Variants in PDLIM5 observed in about 807,000 individuals in gnomAD.
PDLIM5 encodes the protein PDZ and LIM domain 5, also known as PDZ and LIM domain protein 5.
A neutral mutation model predicts 64.2 loss-of-function variants in PDLIM5; 34 were observed. The ratio of observed to expected loss-of-function variants is 0.53; its 90% CI spans 0.40 to 0.71. The LOEUF (loss-of-function observed/expected upper bound fraction) is 0.71, where lower values mean the gene tolerates loss of function less well. PDLIM5 is among the 30% of genes least tolerant of loss of function. PDLIM5 has a pLI of 0.00. For synonymous variants in PDLIM5, 253 were observed against 269.1 expected (o/e 0.94, Z 0.59); for missense variants, 683 against 733.6 (o/e 0.93, Z 0.80).
At chr4:94,549,410 C>T (rs1026842299) in intron 3 of PDLIM5, among the ~76,000 whole-genome samples, 6 of 152,014 alleles carry the variant, frequency 3.9e-5, no homozygotes, top group Admixed American at 2.6e-4. Context: ...ATGGTTATAC[C>T]CTCTGACCTA....
chr4:94,498,094 G>C (rs1257811234), intron 2 of PDLIM5, among the ~76,000 whole-genome samples: 1 of 152,158 alleles, frequency 6.6e-6, no homozygotes, highest in African/African-American at 2.4e-5. Flanking sequence ...ATTGACCTGG[G>C]CTTTCGGATC....
intron 8 of PDLIM5, among the ~76,000 whole-genome samples, chr4:94,625,455 CTT>C (rs755099642): frequency 1.7e-4 from 24 of 141,706 alleles, no homozygotes; most frequent in Admixed American, 4.2e-4. Flanking sequence ...TAATATTAGA[CTT>C]TTTTTTTTTT....
chr4:94,623,006 C>T (rs568414180), intron 8 of PDLIM5, among the ~76,000 whole-genome samples: 21 of 152,224 alleles, frequency 1.4e-4, no homozygotes, highest in Admixed American at 5.2e-4. Flanking sequence ...ACCTTAAAAG[C>T]TTCTCCTATA....
intron 3 of PDLIM5, among the ~76,000 whole-genome samples, chr4:94,571,606 A>G (rs1420810308): frequency 6.6e-6 from 1 of 152,214 alleles, no homozygotes; most frequent in East Asian, 1.9e-4. Context: ...ATCCCATTGT[A>G]TATTTGCCAG....
rs1211805705 is a variant in PDLIM5 at position 94,507,341 on chromosome 4, A to C, written c.97-16383A>C. On this transcript the variant is annotated intron_variant, in intron 2 of 12. Coordinates refer to ENST00000317968, the MANE Select transcript of PDLIM5 (RefSeq NM_006457.5). ...CTCACATGCAAAATACATTCATTTC[A>C]TCTTGGTAGCCCCAAAAGTCTTAAC... Among the ~76,000 whole-genome samples, 3 of 152,044 alleles carry C rather than the reference A, an allele frequency of 2.0e-5. No individual in the cohort carries two copies. The East Asian group carries it at 5.8e-4, about 29-fold the overall frequency.
At chr4:94,640,500 GTTTTTT>G in intron 9 of PDLIM5, 50 bp downstream of exon 9, 2 of 751,180 alleles carry the variant, frequency 2.7e-6, no homozygotes, top group Admixed American at 5.6e-5. Flanking sequence ...TCAATGTTGG[GTTTTTT>G]TTTTTTTTTT....
At chr4:94,456,363 T>C (rs1382888318) in intron 2 of PDLIM5, 1 of 628,510 alleles carries the variant, frequency 1.6e-6, no homozygotes, top group Non-Finnish European at 2.9e-6. Flanking sequence ...CACGCCTGGC[T>C]AATTTTGTAT....
intron 1 of PDLIM5, among the ~76,000 whole-genome samples, chr4:94,452,473 T>C (rs1314913975): frequency 1.3e-5 from 2 of 152,246 alleles, no homozygotes; most frequent in African/African-American, 4.8e-5. Flanking sequence ...AGTTTTTCTT[T>C]GCTCCCAGGC....
At chr4:94,641,327 T>C (rs957501566) in intron 9 of PDLIM5, among the ~76,000 whole-genome samples, 13 of 152,226 alleles carry the variant, frequency 8.5e-5, no homozygotes, top group Admixed American at 8.5e-4. Context: ...TATTACATAA[T>C]TATAGCATAA....
At chr4:94,657,832 G>A (rs1345704366) in intron 11 of PDLIM5, among the ~76,000 whole-genome samples, 1 of 151,806 alleles carries the variant, frequency 6.6e-6, no homozygotes, top group African/African-American at 2.4e-5. Flanking sequence ...TCAGCCTCCC[G>A]AATAGCTGGG....
At chr4:94,507,594 A>G (rs1211167729) in intron 2 of PDLIM5, among the ~76,000 whole-genome samples, 1 of 152,232 alleles carries the variant, frequency 6.6e-6, no homozygotes, top group South Asian at 2.1e-4. Context: ...TTTTAAGATT[A>G]CAGTAAAATA....
Position 94,531,506 on chromosome 4 carries a change from C to T in PDLIM5, c.248+7631C>T, listed in dbSNP as rs567155972. Among the ~76,000 whole-genome samples, 7 of 152,188 alleles carry T rather than the reference C, an allele frequency of 4.6e-5. No homozygotes were observed. The South Asian group carries it at 1.2e-3, about 27-fold the overall frequency. On this transcript the variant is annotated intron_variant, in intron 3 of 12. Coordinates refer to ENST00000317968, the MANE Select transcript of PDLIM5 (RefSeq NM_006457.5). ...CACACATACAATATGCTAATACTAG[C>T]GATAGCTGATGAGCTTAAAGTAGTC...
chr4:94,634,579 G>C (rs1055759721), intron 8 of PDLIM5, among the ~76,000 whole-genome samples: 1 of 152,174 alleles, frequency 6.6e-6, no homozygotes, highest in Non-Finnish European at 1.5e-5. Context: ...TCGGTAGTAA[G>C]AATATTTTAT....
At chr4:94,528,275 C>T (rs1034252005) in intron 3 of PDLIM5, among the ~76,000 whole-genome samples, 1 of 152,282 alleles carries the variant, frequency 6.6e-6, no homozygotes, top group South Asian at 2.1e-4. Context: ...TACTATCGCA[C>T]CTCACTCCTT....
intron 3 of PDLIM5, among the ~76,000 whole-genome samples, chr4:94,528,847 C>A (rs1730606423): frequency 6.6e-6 from 1 of 152,064 alleles, no homozygotes; most frequent in Non-Finnish European, 1.5e-5. Flanking sequence ...GTACTCATGC[C>A]CAGATATCCA....
At chr4:94,504,591 G>A (rs900981929) in intron 2 of PDLIM5, among the ~76,000 whole-genome samples, 23 of 152,076 alleles carry the variant, frequency 1.5e-4, no homozygotes, top group African/African-American at 2.2e-4. Context: ...GGCCCGTTAC[G>A]CTATTTTCAT....
intron 2 of PDLIM5, among the ~76,000 whole-genome samples, chr4:94,494,432 GTTTTTTTTTTT>G (rs61675663): frequency 7.1e-5 from 5 of 70,768 alleles, no homozygotes; most frequent in South Asian, 9.2e-4. Flanking sequence ...TTTTTTTCTT[GTTTTTTTTTTT>G]TTTTTTTTTT....
In PDLIM5 at chr4:94,654,592, GA is replaced by G; in HGVS notation, c.1419del (p.Lys473AsnfsTer22). On this transcript the variant is annotated frameshift_variant, in exon 10 of 13. Transcript: ENST00000317968. LOFTEE classifies it high-confidence loss of function. Reference sequence around the variant, plus strand: ...CCCTGTATTGTGAGCTGTGCTATGAGAAATTCTTTGCCCCTGAATGTGGTCG... The same window carrying G: ...CCCTGTATTGTGAGCTGTGCTATGAGAATTCTTTGCCCCTGAATGTGGTCG... ...GALYCELCYE[K>X]FFAPECGRCQ... The G allele has an allele frequency of 6.2e-7, 1 of 1,613,018 alleles. No individual in the cohort carries two copies. Among genetic ancestry groups the G allele is most frequent in the Non-Finnish European group, 8.5e-7 (1 of 1,179,000 alleles).
chr4:94,460,501 G>A (rs1171252775), intron 2 of PDLIM5, among the ~76,000 whole-genome samples: 3 of 151,806 alleles, frequency 2.0e-5, no homozygotes, highest in African/African-American at 7.3e-5. Flanking sequence ...CACTCCTGTA[G>A]TCTCAGCATT....
Sources: gnomAD v4.1 joint callset for allele counts (sites outside exome capture counted in the v4.1 genomes callset) on GRCh38, gnomAD v4.1.1 for gene constraint, MANE v1.5 for transcripts, NCBI Gene and HGNC (gene_info 2026-07-23, HGNC 2026-07-21) for gene names.